Variants in HGF observed in about 807,000 individuals in gnomAD.
HGF encodes the protein fibroblast-derived tumor cytotoxic factor.
HGF carries 39 observed loss-of-function variants against 111.6 expected under a neutral mutation model. That is an observed-to-expected ratio of 0.35 (90% CI 0.27 to 0.46). The LOEUF is 0.46. HGF is among the 20% of genes least tolerant of loss of function. The pLI, the probability that HGF is intolerant of heterozygous loss-of-function variation, is 1.00. For missense variants in HGF, 735 were observed against 910.5 expected, an observed-to-expected ratio of 0.81 and a Z score of 2.48; for synonymous variants, 285 against 294.8, an observed-to-expected ratio of 0.97 and a Z score of 0.34.
intron 4 of HGF, among the ~76,000 whole-genome samples, chr7:81,753,748 A>G (rs1017433943): frequency 6.6e-6 from 1 of 152,014 alleles, no homozygotes. Flanking sequence ...CAATGCATCT[A>G]AGTAGTAATA....
intron 17 of HGF, among the ~76,000 whole-genome samples, chr7:81,703,398 T>G (rs557426903): frequency 6.6e-6 from 1 of 151,158 alleles, no homozygotes; most frequent in Admixed American, 6.6e-5. Flanking sequence ...ATAGTTATAG[T>G]TATATTTTAT....
chr7:81,748,610 G>A (rs140993431), intron 5 of HGF, among the ~76,000 whole-genome samples: 1,623 of 152,198 alleles, frequency 0.011, 34 homozygotes, highest in African/African-American at 0.037. Context: ...GTGCCCTTTG[G>A]CTCTGTCTAT....
At chr7:81,764,187 A>G (rs1285304907) in intron 1 of HGF, among the ~76,000 whole-genome samples, 1 of 152,098 alleles carries the variant, frequency 6.6e-6, no homozygotes, top group Non-Finnish European at 1.5e-5. Flanking sequence ...AAATGCCATC[A>G]TACTCTAAGT....
At chr7:81,745,650 A>G (rs1050225167) in intron 5 of HGF, among the ~76,000 whole-genome samples, 9 of 152,228 alleles carry the variant, frequency 5.9e-5, no homozygotes, top group Non-Finnish European at 8.8e-5. Flanking sequence ...AATTCAAAGA[A>G]TACGGATATT....
At chr7:81,719,240 CCTTT>C (rs1562877887) in intron 10 of HGF, among the ~76,000 whole-genome samples, 1 of 152,204 alleles carries the variant, frequency 6.6e-6, no homozygotes, top group Non-Finnish European at 1.5e-5. Flanking sequence ...AATTTCCCTT[CCTTT>C]AAGAAGCCTT....
intron 7 of HGF, among the ~76,000 whole-genome samples, chr7:81,737,908 G>C (rs1288848595): frequency 6.6e-6 from 1 of 152,110 alleles, no homozygotes; most frequent in African/African-American, 2.4e-5. Flanking sequence ...TAAATACTCA[G>C]TGTGATTTCT....
Position 81,702,160 on chromosome 7 carries a change from A to G in HGF, c.*421T>C, listed in dbSNP as rs1312957797. ...TAATATAATTTAATATAGGGCTACA[A>G]TTTAGGGACACAAGGTATAAATTGT... On this transcript the variant is annotated 3_prime_UTR_variant, in exon 18 of 18. Coordinates refer to ENST00000222390, the MANE Select transcript of HGF (RefSeq NM_000601.6). 8.5e-6 allele frequency: 2 copies of G among 234,188 alleles called. No homozygotes were observed. The highest frequency in any genetic ancestry group is 2.2e-5 in the African/African-American group (1 of 44,712). 14.5% of individuals were successfully genotyped at this position (234,188 alleles called of 1,614,324 possible). A position where few individuals can be genotyped will look rare whatever the true frequency, so the allele number is the denominator to read the frequency against.
At position 81,752,266 on chromosome 7, in the gene HGF, G is replaced by T. The variant is rs1235354367; in HGVS notation, c.483-4C>A. On this transcript the variant is annotated splice_region_variant and splice_polypyrimidine_tract_variant and intron_variant, in intron 4 of 17. Transcript: ENST00000222390. ...CCGATAGCTCGAAGGCAAAAAGCTA[G>T]TTTTAAAATGATAATCATTACAGTA... The T allele has an allele frequency of 6.2e-7, 1 of 1,612,720 alleles. No homozygotes were observed. The highest frequency in any genetic ancestry group is 8.5e-7 in the Non-Finnish European group (1 of 1,178,906).
intron 2 of HGF, among the ~76,000 whole-genome samples, chr7:81,761,390 A>G (rs1366639266): frequency 6.6e-6 from 1 of 152,120 alleles, no homozygotes; most frequent in African/African-American, 2.4e-5. Flanking sequence ...TTTTCTGACC[A>G]TGCTCTTCCT....
chr7:81,706,509 G>T, intron 14 of HGF, 82 bp from the exon 15 acceptor site: 1 of 1,140,918 alleles, frequency 8.8e-7, no homozygotes, highest in Non-Finnish European at 1.3e-6. Flanking sequence ...TGTTATTTTA[G>T]ACTATTAAGG....
chr7:81,707,634 C>A (rs1316567273), intron 13 of HGF, among the ~76,000 whole-genome samples: 1 of 152,042 alleles, frequency 6.6e-6, no homozygotes, highest in African/African-American at 2.4e-5. Context: ...CATCAATAGC[C>A]ATCCCGAACA....
intron 12 of HGF, 70 bp from the exon 13 acceptor site, chr7:81,710,313 T>A (rs746759313): frequency 2.0e-4 from 191 of 962,628 alleles, no homozygotes; most frequent in Non-Finnish European, 2.9e-4. Context: ...TTAGTTTTCT[T>A]AAATGCAATG....
At position 81,739,156 on chromosome 7, in the gene HGF, C is replaced by T. The variant is rs550476143; in HGVS notation, c.865+4197G>A. The stretch of plus-strand genomic sequence containing the variant: ...ATTTTAAAATATTTTAGGCTTTTCT[C>T]TCTCCCTATCCCATTTCCTAGTATA... On this transcript the variant is annotated intron_variant, in intron 7 of 17. Transcript: ENST00000222390. Among the ~76,000 whole-genome samples, 10 of 152,214 alleles carry T rather than the reference C, an allele frequency of 6.6e-5. No individual in the cohort carries two copies. The South Asian group carries it at 2.1e-3, about 32-fold the overall frequency.
At chr7:81,704,707 C>A (rs1212427941) in intron 17 of HGF, among the ~76,000 whole-genome samples, 1 of 151,746 alleles carries the variant, frequency 6.6e-6, no homozygotes, top group African/African-American at 2.4e-5. Flanking sequence ...TCATCTTTTG[C>A]CACACACAGC....
intron 4 of HGF, chr7:81,755,828 A>C: frequency 1.8e-6 from 1 of 546,468 alleles, no homozygotes; most frequent in African/African-American, 1.9e-5. Context: ...AATTTTGAAA[A>C]TTGTTGTTTT....
intron 3 of HGF, among the ~76,000 whole-genome samples, chr7:81,757,679 AG>A (rs1355226435): frequency 6.6e-6 from 1 of 152,184 alleles, no homozygotes; most frequent in Non-Finnish European, 1.5e-5. Context: ...GAATTCAAAA[AG>A]TTACCTAAGA....
At position 81,703,452 on chromosome 7, in the gene HGF, T is replaced by C. The variant is rs5745762; in HGVS notation, c.2011-695A>G. 1.0e-3 allele frequency among the ~76,000 whole-genome samples: 154 copies of C among 151,072 alleles called. 6 individuals are homozygous for C. In the South Asian group the frequency reaches 0.029, roughly 28 times the overall value. On this transcript the variant is annotated intron_variant, in intron 17 of 17. Transcript: ENST00000222390. ...TGTCCTGTGATTTCATGGCATTTCTTATATGGTAAGCCTGTTGCATCATCA... is the reference window on the plus strand; with the variant it reads ...TGTCCTGTGATTTCATGGCATTTCTCATATGGTAAGCCTGTTGCATCATCA...
chr7:81,746,934 T>C (rs928807653), intron 5 of HGF, among the ~76,000 whole-genome samples: 1 of 152,186 alleles, frequency 6.6e-6, no homozygotes, highest in African/African-American at 2.4e-5. Context: ...AGGCAAGTTC[T>C]GAGTCAGTGG....
chr7:81,751,991 A>G, intron 5 of HGF, 129 bp downstream of exon 5: 1 of 1,480,862 alleles, frequency 6.8e-7, no homozygotes, highest in Non-Finnish European at 8.9e-7. Context: ...TTAAATAATT[A>G]TTTGTAGTTG....
Sources: gnomAD v4.1 joint callset for allele counts (sites outside exome capture counted in the v4.1 genomes callset) on GRCh38, gnomAD v4.1.1 for gene constraint, MANE v1.5 for transcripts, NCBI Gene and HGNC (gene_info 2026-07-23, HGNC 2026-07-21) for gene names.